Variants in MYO3B observed in about 807,000 individuals in gnomAD.
The protein encoded by MYO3B is myosin-IIIb.
In MYO3B, 156 loss-of-function variants were observed where a neutral mutation model predicts 174.6. The observed-to-expected ratio is 0.89, with a 90% CI of 0.78 to 1.02. MYO3B has a LOEUF of 1.02. MYO3B is among the 50% of genes least tolerant of loss of function. MYO3B has a pLI of 0.00. For missense variants in MYO3B, 1,632 were observed against 1,639.4 expected, an observed-to-expected ratio of 1.00 and a Z score of 0.08; for synonymous variants, 563 against 569.1, an observed-to-expected ratio of 0.99 and a Z score of 0.15.
intron 6 of MYO3B, among the ~76,000 whole-genome samples, chr2:170,230,020 A>G (rs987602718): frequency 6.6e-6 from 1 of 152,194 alleles, no homozygotes; most frequent in Non-Finnish European, 1.5e-5. Context: ...AAAATCTGCC[A>G]CTGGAATAGT....
intron 1 of MYO3B, among the ~76,000 whole-genome samples, chr2:170,179,245 C>T (rs1445651456): frequency 6.6e-6 from 1 of 152,154 alleles, no homozygotes; most frequent in African/African-American, 2.4e-5. Flanking sequence ...AGTACATAAT[C>T]AGTGGAACCA....
chr2:170,418,733 A>T (rs113961057), intron 22 of MYO3B, among the ~76,000 whole-genome samples: 2 of 152,100 alleles, frequency 1.3e-5, no homozygotes, highest in African/African-American at 4.8e-5. Flanking sequence ...AAGGGAGAGT[A>T]TGCTTTTCCT....
At chr2:170,238,130 A>G (rs1574634827) in intron 7 of MYO3B, among the ~76,000 whole-genome samples, 1 of 152,180 alleles carries the variant, frequency 6.6e-6, no homozygotes, top group East Asian at 1.9e-4. Flanking sequence ...TACTCTGTCA[A>G]TTAGAATTGC....
intron 23 of MYO3B, among the ~76,000 whole-genome samples, chr2:170,458,533 C>A (rs1684044132): frequency 6.6e-6 from 1 of 152,096 alleles, no homozygotes; most frequent in East Asian, 1.9e-4. Flanking sequence ...TAGATGATGC[C>A]CTAATAGAAC....
intron 25 of MYO3B, among the ~76,000 whole-genome samples, chr2:170,485,409 A>T (rs1167705152): frequency 7.3e-6 from 1 of 136,210 alleles, no homozygotes; most frequent in East Asian, 2.5e-4. Flanking sequence ...ACACACACAC[A>T]CACACACACA....
At chr2:170,452,469 T>G (rs533771562) in intron 23 of MYO3B, among the ~76,000 whole-genome samples, 13 of 152,268 alleles carry the variant, frequency 8.5e-5, no homozygotes, top group African/African-American at 2.9e-4. Context: ...AAAATATGAT[T>G]CAAGAAGAGG....
chr2:170,654,277 C>G lies in MYO3B; in HGVS notation c.*1156C>G, dbSNP rs1381563089. The G allele has an allele frequency of 6.6e-6, 1 of 152,016 alleles. No individual in the cohort carries two copies. Among genetic ancestry groups the G allele is most frequent in the Admixed American group, 6.6e-5 (1 of 15,252 alleles). 9.4% of individuals were successfully genotyped at this position (152,016 alleles called of 1,614,324 possible). A position where few individuals can be genotyped will look rare whatever the true frequency, so the allele number is the denominator to read the frequency against. ...TGATGTAATCAAAAACAAAGAAGCC[C>G]TATAAGACCATTTCTCTAGAACAGA... is the stretch of plus-strand genomic sequence containing the variant. On this transcript the variant is annotated 3_prime_UTR_variant, in exon 35 of 35. Transcript: ENST00000408978.
intron 7 of MYO3B, among the ~76,000 whole-genome samples, chr2:170,266,198 C>T (rs2093381920): frequency 6.6e-6 from 1 of 152,068 alleles, no homozygotes; most frequent in African/African-American, 2.4e-5. Context: ...TAAAACAATG[C>T]AGCCTCATGT....
intron 5 of MYO3B, among the ~76,000 whole-genome samples, chr2:170,216,226 T>C (rs1391680014): frequency 6.6e-6 from 1 of 152,214 alleles, no homozygotes; most frequent in African/African-American, 2.4e-5. Flanking sequence ...TTCTAAGTTT[T>C]TGTCATCAAT....
chr2:170,324,376 T>A (rs2093849974), intron 7 of MYO3B, among the ~76,000 whole-genome samples: 1 of 152,238 alleles, frequency 6.6e-6, no homozygotes, highest in African/African-American at 2.4e-5. Context: ...ATTGAAAAAC[T>A]ATGAGTCTTA....
rs61527598 is a variant in MYO3B at position 170,483,375 on chromosome 2, C to CTTTTTTTTTTT, written c.3015-15198_3015-15188dup. Among the ~76,000 whole-genome samples, 177 of 62,100 alleles carry CTTTTTTTTTTT rather than the reference C, an allele frequency of 2.9e-3. 15 individuals are homozygous for CTTTTTTTTTTT. The highest frequency in any genetic ancestry group is 4.1e-3 in the Non-Finnish European group (142 of 34,702). 40.7% of individuals were successfully genotyped at this position (62,100 alleles called of 152,430 possible). On this transcript the variant is annotated intron_variant, in intron 25 of 34. Coordinates refer to ENST00000408978, the MANE Select transcript of MYO3B (RefSeq NM_138995.5). Reference sequence around the variant, plus strand: ...AATTAAAACTCCTTGCTTGGGGATTCTTTTTTTTTTTTTTTTTTTTTTTTT... The same window carrying CTTTTTTTTTTT: ...AATTAAAACTCCTTGCTTGGGGATTCTTTTTTTTTTTTTTTTTTTTTTTTTTTTTTTTTTTT...
At chr2:170,414,839 A>G (rs150278713) in intron 22 of MYO3B, among the ~76,000 whole-genome samples, 2 of 152,348 alleles carry the variant, frequency 1.3e-5, no homozygotes, top group African/African-American at 4.8e-5. Flanking sequence ...TAGAACTAGT[A>G]TAAATGGGTT....
At chr2:170,239,083 G>A (rs530972510) in intron 7 of MYO3B, among the ~76,000 whole-genome samples, 1 of 152,282 alleles carries the variant, frequency 6.6e-6, no homozygotes, top group East Asian at 1.9e-4. Flanking sequence ...ACCCCTCTCT[G>A]ACTGTCACTG....
chr2:170,372,560 A>T (rs1391206383), intron 9 of MYO3B, among the ~76,000 whole-genome samples: 1 of 152,218 alleles, frequency 6.6e-6, no homozygotes, highest in African/African-American at 2.4e-5. Flanking sequence ...GTCAGGCCCT[A>T]TGCTGAACAG....
intron 23 of MYO3B, among the ~76,000 whole-genome samples, chr2:170,461,263 T>G (rs932403782): frequency 6.7e-6 from 1 of 150,198 alleles, no homozygotes; most frequent in Non-Finnish European, 1.5e-5. Flanking sequence ...TCATCTGAGG[T>G]CAGGAGTTTG....
chr2:170,208,032 C>G (rs1478789674), intron 3 of MYO3B, among the ~76,000 whole-genome samples: 1 of 152,158 alleles, frequency 6.6e-6, no homozygotes, highest in Non-Finnish European at 1.5e-5. Flanking sequence ...TTTGAATTCT[C>G]TAGACCTCAT....
At chr2:170,593,043 A>G (rs995342561) in intron 32 of MYO3B, among the ~76,000 whole-genome samples, 2 of 152,142 alleles carry the variant, frequency 1.3e-5, no homozygotes, top group African/African-American at 4.8e-5. Flanking sequence ...ATCTATTTAC[A>G]TCTCTTTCTG....
At position 170,463,247 on chromosome 2, in the gene MYO3B, G is replaced by A. The variant is rs544940926; in HGVS notation, c.2731-121G>A. The A allele has an allele frequency of 4.3e-5, 30 of 704,622 alleles. No homozygotes were observed. The East Asian group carries it at 7.3e-4, about 17-fold the overall frequency. The allele number at this position is 704,622 out of a possible 1,614,324, so 43.6% of individuals were successfully genotyped here. ...AATTCTCCCCACAGTATACACTATT[G>A]TGTCCTAAATACCATGGCCCCTCAG... On this transcript the variant is annotated intron_variant, in intron 23 of 34. Transcript: ENST00000408978.
chr2:170,457,140 T>G (rs1345803131), intron 23 of MYO3B, among the ~76,000 whole-genome samples: 1 of 152,228 alleles, frequency 6.6e-6, no homozygotes, highest in Non-Finnish European at 1.5e-5. Context: ...TGGAAGTCAC[T>G]CTGGGTGAGT....
Sources: gnomAD v4.1 joint callset for allele counts (sites outside exome capture counted in the v4.1 genomes callset) on GRCh38, gnomAD v4.1.1 for gene constraint, MANE v1.5 for transcripts, NCBI Gene and HGNC (gene_info 2026-07-23, HGNC 2026-07-21) for gene names.